SCNN1A: variants seen among roughly 807,000 people sequenced by gnomAD.
The protein encoded by SCNN1A is sodium channel epithelial 1 subunit alpha.
A neutral mutation model predicts 68.6 loss-of-function variants in SCNN1A; 65 were observed. The ratio of observed to expected loss-of-function variants is 0.95; its 90% CI spans 0.78 to 1.16. SCNN1A has a LOEUF of 1.16. Ranked by LOEUF, SCNN1A falls within the 50% of genes most tolerant of loss-of-function variation. The pLI is 0.00. For synonymous variants in SCNN1A, 357 were observed against 353.3 expected, an observed-to-expected ratio of 1.01 and a Z score of -0.12; for missense variants, 880 against 865.9, an observed-to-expected ratio of 1.02 and a Z score of -0.20.
At chr12:6,376,258 C>G, upstream of SCNN1A, 2 of 912,778 alleles carry the variant, frequency 2.2e-6, no homozygotes, top group Non-Finnish European at 2.6e-6. Context: ...TCGCCACCCC[C>G]TCCAACCTTG....
At chr12:6,355,558 G>T in intron 5 of SCNN1A, 123 bp from the exon 6 acceptor site, 3 of 1,248,880 alleles carry the variant, frequency 2.4e-6, no homozygotes, top group Middle Eastern at 2.1e-4. Context: ...AGTTCAGGAA[G>T]ACCCGCAAAG....
At chr12:6,356,745 C>A (rs189285851) in intron 4 of SCNN1A, among the ~76,000 whole-genome samples, 23 of 152,120 alleles carry the variant, frequency 1.5e-4, no homozygotes, top group Non-Finnish European at 2.6e-4. Context: ...ATGTGCCACA[C>A]GGCACAGAGA....
chr12:6,355,663 G>T, intron 5 of SCNN1A, 114 bp downstream of exon 5: 1 of 922,482 alleles, frequency 1.1e-6, no homozygotes, highest in Non-Finnish European at 1.8e-6. Flanking sequence ...GGCACCTATT[G>T]GGGAGAGACA....
Position 6,374,432 on chromosome 12 carries a change from T to C in SCNN1A, c.352A>G (p.Ile118Val). ...EYFSYPVSLN[I>V]NLNSDKLVFP... is the part of the protein sequence containing the mutation. ...ACGAGCTTGTCCGAGTTGAGGTTGA[T>C]GTTGAGGCTGACGGGGTAGCTGAAG... Residue 118 changes from isoleucine to valine, a missense_variant, in exon 2 of 13, where the codon ATC becomes GTC. This residue lies in a region of SCNN1A where 758 missense variants were observed against 721.8 expected (regional missense o/e 1.05). Coordinates refer to ENST00000228916, the MANE Select transcript of SCNN1A (RefSeq NM_001038.6). The surrounding 1 kb of genome is among the most constrained non-coding windows in gnomAD (Gnocchi z 6.2). 6.2e-7 allele frequency: 1 copy of C among 1,614,144 alleles called. No homozygotes were observed. The highest frequency in any genetic ancestry group is 8.5e-7 in the Non-Finnish European group (1 of 1,180,014).
At chr12:6,377,069 A>G (rs182816078), upstream of SCNN1A, 149 of 545,168 alleles carry the variant, frequency 2.7e-4, no homozygotes, top group African/African-American at 2.3e-3. Flanking sequence ...CTTCCCAGAG[A>G]AGGTGTCATC....
In SCNN1A at chr12:6,374,254, G is replaced by A. The variant is rs1948852951; in HGVS notation, c.416+114C>T. On this transcript the variant is annotated intron_variant, in intron 2 of 12. Coordinates refer to ENST00000228916, the MANE Select transcript of SCNN1A (RefSeq NM_001038.6). The surrounding 1 kb of genome is among the most constrained non-coding windows in gnomAD (Gnocchi z 6.2). ...AGCAGTGAGCTCTACCTGGGACAGGGGTGTCAGTTCCCACCCTCAGGTCTG... is the reference window on the plus strand; with the variant it reads ...AGCAGTGAGCTCTACCTGGGACAGGAGTGTCAGTTCCCACCCTCAGGTCTG... 2 of 1,161,856 alleles carry A rather than the reference G, an allele frequency of 1.7e-6. No individual in the cohort carries two copies. The highest frequency in any genetic ancestry group is 2.6e-5 in the East Asian group (1 of 39,188). 72.0% of individuals were successfully genotyped at this position (1,161,856 alleles called of 1,614,324 possible). A position where few individuals can be genotyped will look rare whatever the true frequency, so the allele number is the denominator to read the frequency against.
At chr12:6,376,276 C>T (rs916610933), upstream of SCNN1A, 33 of 733,904 alleles carry the variant, frequency 4.5e-5, no homozygotes, top group Middle Eastern at 6.7e-4. Context: ...TTGTCCAGAC[C>T]CGGGAGGGGC....
rs746527103 is a variant in SCNN1A at position 6,362,159 on chromosome 12, T to C, written c.767A>G (p.Tyr256Cys). The stretch of plus-strand genomic sequence containing the variant: ...TGGCAGCCTCGACAGGATGTTGATG[T>C]AGTGGAAGCGGTACCACTCCCTCAC... Reference protein sequence around the residue: ...DAVREWYRFHYINILSRLPET... With the variant: ...DAVREWYRFHCINILSRLPET... The change falls in exon 4 of 13, where the codon TAC becomes TGC. Residue 256 changes from tyrosine (Y) to cysteine (C), a missense_variant. Around this residue, in one of 3 missense-constraint regions of SCNN1A, gnomAD observed 758 missense variants for 721.8 expected, o/e 1.05. Transcript: ENST00000228916. 6.2e-6 allele frequency: 10 copies of C among 1,614,118 alleles called. No individual in the cohort carries two copies. The East Asian group carries it at 2.2e-4, about 36-fold the overall frequency.
At chr12:6,354,094 G>A (rs1029034054) in intron 8 of SCNN1A, among the ~76,000 whole-genome samples, 5 of 151,822 alleles carry the variant, frequency 3.3e-5, no homozygotes, top group Admixed American at 2.6e-4. Flanking sequence ...AGCTGGGCGT[G>A]GTGGCGGGTG....
chr12:6,375,287 T>C (rs1948884348), intron 1 of SCNN1A: 1 of 1,437,196 alleles, frequency 7.0e-7, no homozygotes, highest in East Asian at 2.5e-5. Flanking sequence ...CCTGCCTCTC[T>C]TCCTCTCCCC....
intron 4 of SCNN1A, among the ~76,000 whole-genome samples, chr12:6,361,530 A>G (rs1714115515): frequency 6.6e-6 from 1 of 152,200 alleles, no homozygotes; most frequent in African/African-American, 2.4e-5. Context: ...ACCTGAGGTC[A>G]GGAGTTGGAG....
chr12:6,355,881 C>T lies in SCNN1A; in HGVS notation c.876-1G>A, dbSNP rs1948488664. 3 of 1,586,684 alleles carry T rather than the reference C, an allele frequency of 1.9e-6. No homozygotes were observed. Among genetic ancestry groups the T allele is most frequent in the Non-Finnish European group, 2.6e-6 (3 of 1,154,930 alleles). On this transcript the variant is annotated splice_acceptor_variant, in intron 4 of 12. Transcript: ENST00000228916. LOFTEE classifies it high-confidence loss of function. ...CGGGTGGTGGAAGTGAGAGTAATTC[C>T]TTATCAGGAAAGAGAGAGTAGGGTC...
At chr12:6,363,993 C>A in intron 2 of SCNN1A, 1 of 316,570 alleles carries the variant, frequency 3.2e-6, no homozygotes, top group Non-Finnish European at 5.8e-6. Context: ...GCGCTCTCCC[C>A]CTCGCCCGGA....
At chr12:6,355,713 C>G in intron 5 of SCNN1A, 64 bp downstream of exon 5, 1 of 1,181,636 alleles carries the variant, frequency 8.5e-7, no homozygotes, top group Non-Finnish European at 1.3e-6. Flanking sequence ...GAGGTGAGCT[C>G]AAGGTAAGTA....
chr12:6,372,260 G>C lies in SCNN1A; in HGVS notation c.416+2108C>G. Among the ~76,000 whole-genome samples the C allele has an allele frequency of 6.6e-6, 1 of 152,176 alleles. No individual in the cohort carries two copies. On this transcript the variant is annotated intron_variant, in intron 2 of 12. Coordinates refer to ENST00000228916, the MANE Select transcript of SCNN1A (RefSeq NM_001038.6). This position sits in a 1 kb window ranked among gnomAD's most constrained non-coding sequence, Gnocchi z 5.8. Reference sequence around the variant, plus strand: ...GGGAATAATACTGCCCACCTCCCTGGACTTGTCAGTATTAAATGAGAGAGT... The same window carrying C: ...GGGAATAATACTGCCCACCTCCCTGCACTTGTCAGTATTAAATGAGAGAGT...
chr12:6,373,130 C>CA (rs1565487454), intron 2 of SCNN1A, among the ~76,000 whole-genome samples: 1 of 149,854 alleles, frequency 6.7e-6, no homozygotes. Flanking sequence ...AATGACCTGG[C>CA]TTTTTTTTTT....
intron 2 of SCNN1A, 82 bp from the exon 3 acceptor site, chr12:6,363,792 T>C: frequency 1.5e-6 from 2 of 1,367,036 alleles, no homozygotes; most frequent in Non-Finnish European, 2.0e-6. Flanking sequence ...TCCTCATCTG[T>C]GCCCCGGGAG....
chr12:6,347,495 T>A lies in SCNN1A; in HGVS notation c.*378A>T, dbSNP rs984257759. 9.3e-5 allele frequency: 24 copies of A among 258,026 alleles called. No individual in the cohort carries two copies. Among genetic ancestry groups the A allele is most frequent in the African/African-American group, 5.3e-4 (24 of 45,548 alleles). The allele number at this position is 258,026 out of a possible 1,614,324, so 16.0% of individuals were successfully genotyped here. A position where few individuals can be genotyped will look rare whatever the true frequency, so the allele number is the denominator to read the frequency against. ...CGTCGCTGGGCAGGAAACCCGTGCA[T>A]GCCTGCGTGTACCCTTGGTTGTGTT... On this transcript the variant is annotated 3_prime_UTR_variant, in exon 13 of 13. Transcript: ENST00000228916.
Position 6,354,564 on chromosome 12 carries a change from G to T in SCNN1A, c.1243-9C>A. 1 of 1,597,542 alleles carries T rather than the reference G, an allele frequency of 6.3e-7. No individual in the cohort carries two copies. The highest frequency in any genetic ancestry group is 8.6e-7 in the Non-Finnish European group (1 of 1,165,032). On this transcript the variant is annotated splice_polypyrimidine_tract_variant and intron_variant, in intron 7 of 12. Coordinates refer to ENST00000228916, the MANE Select transcript of SCNN1A (RefSeq NM_001038.6). The stretch of plus-strand genomic sequence containing the variant: ...CAGGAGTGAATACACACCTGGAAGG[G>T]AGGAGGGTGGAGAGGAGAGGGGGTT...
Sources: gnomAD v4.1 joint callset for allele counts (sites outside exome capture counted in the v4.1 genomes callset) on GRCh38, gnomAD v4.1.1 for gene constraint, gnomAD v4.1.1 regional missense constraint, Gnocchi (gnomAD v3.1) non-coding constraint, MANE v1.5 for transcripts, NCBI Gene and HGNC (gene_info 2026-07-23, HGNC 2026-07-21) for gene names.